SHB: variants seen among roughly 807,000 people sequenced by gnomAD.
SHB encodes the protein SH2 domain containing adaptor protein B.
Under a neutral mutation model 52.3 loss-of-function variants are expected in SHB, and 20 were observed. That is an observed-to-expected ratio of 0.38 (90% CI 0.27 to 0.56). The LOEUF (loss-of-function observed/expected upper bound fraction) is 0.56, where lower values mean the gene tolerates loss of function less well. SHB is among the 20% of genes least tolerant of loss of function. The pLI, the probability that SHB is intolerant of heterozygous loss-of-function variation, is 0.71. For synonymous variants in SHB, 397 were observed against 316.5 expected, an observed-to-expected ratio of 1.25 and a Z score of -2.70; for missense variants, 825 against 723.3, an observed-to-expected ratio of 1.14 and a Z score of -1.61.
chr9:37,934,453 C>T (rs1462938874), intron 5 of SHB, among the ~76,000 whole-genome samples: 2 of 152,082 alleles, frequency 1.3e-5, no homozygotes, highest in African/African-American at 4.8e-5. Context: ...TGTGAGCCAC[C>T]ATGCCCAGCT....
At chr9:37,964,633 C>T (rs1057397114) in intron 3 of SHB, among the ~76,000 whole-genome samples, 3 of 152,142 alleles carry the variant, frequency 2.0e-5, no homozygotes, top group Non-Finnish European at 2.9e-5. Context: ...AACAGTTAGA[C>T]GTGAACTTGG....
Position 38,068,105 on chromosome 9 carries a change from G to T in SHB, c.541C>A (p.Pro181Thr). 2 of 1,484,560 alleles carry T rather than the reference G, an allele frequency of 1.3e-6. No individual in the cohort carries two copies. Among genetic ancestry groups the T allele is most frequent in the East Asian group, 2.8e-5 (1 of 36,218 alleles). 92.0% of individuals were successfully genotyped at this position (1,484,560 alleles called of 1,614,324 possible). ...ATPAEVRYIS[P>T]KHRLIKVESA... ...TCCACTTTGATGAGGCGGTGCTTGG[G>T]GGAGATGTAGCGCACCTCGGCCGGC... The change falls in exon 1 of 6, where the codon CCC becomes ACC. Residue 181 changes from proline (P) to threonine (T), a missense_variant. Physicochemically the swap from Pro to Thr is conservative, Grantham distance 38. Coordinates refer to ENST00000377707, the MANE Select transcript of SHB (RefSeq NM_003028.3).
chr9:37,959,678 CA>C (rs756205728), intron 3 of SHB, among the ~76,000 whole-genome samples: 35 of 152,138 alleles, frequency 2.3e-4, no homozygotes, highest in Non-Finnish European at 4.4e-4. Flanking sequence ...CGGCACAACC[CA>C]AAAGGCTCTC....
intron 1 of SHB, among the ~76,000 whole-genome samples, chr9:38,041,033 G>A (rs534217647): frequency 2.0e-5 from 3 of 151,832 alleles, no homozygotes; most frequent in Admixed American, 6.6e-5. Context: ...AAGCAGAGAA[G>A]GTCTGAGGAC....
At chr9:37,934,452 C>A (rs1418417208) in intron 5 of SHB, among the ~76,000 whole-genome samples, 1 of 152,106 alleles carries the variant, frequency 6.6e-6, no homozygotes, top group Non-Finnish European at 1.5e-5. Flanking sequence ...GTGTGAGCCA[C>A]CATGCCCAGC....
chr9:37,949,392 C>CAAAAAAAAAAAAAAAAAA (rs771495216), intron 4 of SHB, among the ~76,000 whole-genome samples: 2 of 50,242 alleles, frequency 4.0e-5, no homozygotes, highest in African/African-American at 7.0e-5. Flanking sequence ...GACTCCATCT[C>CAAAAAAAAAAAAAAAAAA]AAAAAAAAAA....
chr9:38,049,069 G>A (rs986201582), intron 1 of SHB, among the ~76,000 whole-genome samples: 1 of 152,170 alleles, frequency 6.6e-6, no homozygotes, highest in African/African-American at 2.4e-5. Context: ...CACCTAGACT[G>A]GAGTGCAGTA....
chr9:37,986,842 A>C (rs1271093436), intron 2 of SHB, among the ~76,000 whole-genome samples: 1 of 152,204 alleles, frequency 6.6e-6, no homozygotes, highest in Non-Finnish European at 1.5e-5. Context: ...GGGCTGCAGC[A>C]CACACAGGCA....
At chr9:37,998,858 A>C (rs1564098104) in intron 2 of SHB, among the ~76,000 whole-genome samples, 1 of 152,232 alleles carries the variant, frequency 6.6e-6, no homozygotes, top group African/African-American at 2.4e-5. Flanking sequence ...GATGAGATGG[A>C]AGCAGAGGAA....
At chr9:37,936,004 A>T (rs2117852892) in intron 5 of SHB, among the ~76,000 whole-genome samples, 1 of 151,254 alleles carries the variant, frequency 6.6e-6, no homozygotes, top group South Asian at 2.1e-4. Context: ...GGAGTTCGAG[A>T]CCAGCCTGAC....
intron 1 of SHB, 60 bp from the exon 2 acceptor site, chr9:38,016,191 T>C: frequency 1.3e-6 from 2 of 1,591,106 alleles, no homozygotes; most frequent in South Asian, 1.1e-5. Context: ...TCACATCTCT[T>C]CACAGCTAGG....
chr9:38,064,092 ATT>A (rs898565541), intron 1 of SHB, among the ~76,000 whole-genome samples: 5 of 142,860 alleles, frequency 3.5e-5, no homozygotes, highest in African/African-American at 7.7e-5. Flanking sequence ...TTTTGTCATC[ATT>A]TTTTTTTTTT....
At chr9:37,992,157 T>G (rs970663345) in intron 2 of SHB, among the ~76,000 whole-genome samples, 1 of 152,200 alleles carries the variant, frequency 6.6e-6, no homozygotes, top group African/African-American at 2.4e-5. Flanking sequence ...TCCCAGCACT[T>G]TGAGAGGCCG....
chr9:37,979,063 C>T (rs1820690005), intron 2 of SHB, among the ~76,000 whole-genome samples: 1 of 152,200 alleles, frequency 6.6e-6, no homozygotes, highest in Admixed American at 6.5e-5. Flanking sequence ...GATGTTGCTG[C>T]CTCCTGCCTA....
intron 2 of SHB, among the ~76,000 whole-genome samples, chr9:37,982,975 C>CCCCCT (rs1554702671): frequency 6.7e-6 from 1 of 150,086 alleles, no homozygotes; most frequent in Non-Finnish European, 1.5e-5. Flanking sequence ...TCTCTGGTGC[C>CCCCCT]CCCCCCTCCA....
At chr9:38,015,122 A>G (rs559865227) in intron 2 of SHB, among the ~76,000 whole-genome samples, 1 of 152,330 alleles carries the variant, frequency 6.6e-6, no homozygotes, top group South Asian at 2.1e-4. Flanking sequence ...ACCCTGCAGC[A>G]CAATGTGCTG....
intron 5 of SHB, among the ~76,000 whole-genome samples, chr9:37,943,688 C>T (rs1832459976): frequency 6.6e-6 from 1 of 152,194 alleles, no homozygotes; most frequent in Non-Finnish European, 1.5e-5. Flanking sequence ...CTCGGTGCCC[C>T]TTCCCATGGG....
chr9:38,013,845 T>C (rs921161846), intron 2 of SHB, among the ~76,000 whole-genome samples: 3 of 152,282 alleles, frequency 2.0e-5, no homozygotes, highest in South Asian at 2.1e-4. Flanking sequence ...CCCTGTCCCA[T>C]GTTCTGCACT....
intron 1 of SHB, among the ~76,000 whole-genome samples, chr9:38,062,960 T>A (rs966447413): frequency 9.2e-5 from 14 of 152,210 alleles, no homozygotes; most frequent in Non-Finnish European, 1.5e-4. Context: ...GGTGATTTGT[T>A]ATGTAGCAAC....
Sources: gnomAD v4.1 joint callset for allele counts (sites outside exome capture counted in the v4.1 genomes callset) on GRCh38, gnomAD v4.1.1 for gene constraint, MANE v1.5 for transcripts, NCBI Gene and HGNC (gene_info 2026-07-23, HGNC 2026-07-21) for gene names.